The following DTNA variants were observed in gnomAD, a reference collection of about 807,000 sequenced individuals.
DTNA encodes the protein dystrobrevin alpha, also known as dystrophin-related protein 3.
In DTNA, 43 loss-of-function variants were observed where a neutral mutation model predicts 100.7. That is an observed-to-expected ratio of 0.43 (90% CI 0.33 to 0.55). The LOEUF is 0.55. Among genes scored for constraint, DTNA ranks in the 20% least tolerant of loss-of-function variants. The probability of loss-of-function intolerance (pLI) is 0.04; values close to 1 mark genes in which losing one functional copy is unlikely to be tolerated. For missense variants in DTNA, 798 were observed against 953.9 expected, an observed-to-expected ratio of 0.84 and a Z score of 2.15; for synonymous variants, 349 against 347.9, an observed-to-expected ratio of 1.00 and a Z score of -0.04.
At chr18:34,866,433 C>T in intron 17 of DTNA, 10 of 1,281,480 alleles carry the variant, frequency 7.8e-6, no homozygotes, top group Non-Finnish European at 1.0e-5. Context: ...TCAAACCAGT[C>T]TTAGCTTTTC....
At chr18:34,499,677 T>C (rs1044103173) in intron 1 of DTNA, among the ~76,000 whole-genome samples, 1 of 152,198 alleles carries the variant, frequency 6.6e-6, no homozygotes, top group African/African-American at 2.4e-5. Context: ...TTCTGATAGG[T>C]GTGTAGCAAT....
chr18:34,880,559 G>A (rs750283388), intron 20 of DTNA, among the ~76,000 whole-genome samples: 1 of 152,272 alleles, frequency 6.6e-6, no homozygotes, highest in African/African-American at 2.4e-5. Flanking sequence ...ACTTCAGAAG[G>A]GTGATGTTGC....
At chr18:34,643,930 C>T (rs201235324) in intron 1 of DTNA, among the ~76,000 whole-genome samples, 2 of 151,976 alleles carry the variant, frequency 1.3e-5, no homozygotes, top group African/African-American at 2.4e-5. Context: ...TAGATCTACC[C>T]GGCTAGAACA....
chr18:34,817,639 C>T (rs1234150464), intron 7 of DTNA, among the ~76,000 whole-genome samples: 1 of 152,126 alleles, frequency 6.6e-6, no homozygotes, highest in Non-Finnish European at 1.5e-5. Context: ...AGCCATTAGT[C>T]ACTCTATTTT....
chr18:34,811,827 T>C, intron 5 of DTNA, 132 bp from the exon 6 acceptor site: 2 of 1,049,814 alleles, frequency 1.9e-6, no homozygotes, highest in Non-Finnish European at 2.8e-6. Context: ...GCATAAAAAT[T>C]AGCTTTTATA....
intron 17 of DTNA, among the ~76,000 whole-genome samples, chr18:34,873,683 G>A (rs2096787482): frequency 6.6e-6 from 1 of 152,228 alleles, no homozygotes; most frequent in Non-Finnish European, 1.5e-5. Context: ...AGAAATCAGT[G>A]AGAGTGTATG....
intron 1 of DTNA, among the ~76,000 whole-genome samples, chr18:34,656,822 T>C (rs541704476): frequency 6.6e-6 from 1 of 152,320 alleles, no homozygotes; most frequent in East Asian, 1.9e-4. Context: ...TGAAATGATG[T>C]TAATAGTCCA....
chr18:34,515,771 C>T (rs986957613), intron 1 of DTNA, among the ~76,000 whole-genome samples: 9 of 152,202 alleles, frequency 5.9e-5, no homozygotes, highest in African/African-American at 2.2e-4. Flanking sequence ...AGGAAAGATT[C>T]TGCCATTTTC....
chr18:34,796,199 T>C (rs2094961822), intron 4 of DTNA, among the ~76,000 whole-genome samples: 1 of 152,236 alleles, frequency 6.6e-6, no homozygotes, highest in Non-Finnish European at 1.5e-5. Context: ...GTTTGCTCCT[T>C]CAGCGTAGCA....
chr18:34,746,327 A>G (rs1209763799), intron 1 of DTNA, among the ~76,000 whole-genome samples: 1 of 152,162 alleles, frequency 6.6e-6, no homozygotes, highest in Non-Finnish European at 1.5e-5. Flanking sequence ...GAATTGAGAC[A>G]GTCCCAAATG....
At chr18:34,600,514 A>C (rs969892984) in intron 1 of DTNA, among the ~76,000 whole-genome samples, 8 of 152,260 alleles carry the variant, frequency 5.3e-5, no homozygotes, top group Non-Finnish European at 1.0e-4. Context: ...TCAGGAATAC[A>C]GATGCCTTAA....
At chr18:34,586,613 C>T (rs747416919) in intron 1 of DTNA, among the ~76,000 whole-genome samples, 2 of 152,090 alleles carry the variant, frequency 1.3e-5, no homozygotes, top group Non-Finnish European at 2.9e-5. Context: ...ACAGAATTGT[C>T]GTATTTCTAA....
At chr18:34,645,642 G>A (rs2059745751) in intron 1 of DTNA, among the ~76,000 whole-genome samples, 1 of 152,100 alleles carries the variant, frequency 6.6e-6, no homozygotes, top group Non-Finnish European at 1.5e-5. Context: ...GGATGAAATG[G>A]AGAGGGGTTC....
At chr18:34,564,390 C>T (rs112322796) in intron 1 of DTNA, among the ~76,000 whole-genome samples, 2,003 of 152,298 alleles carry the variant, frequency 0.013, 45 homozygotes, top group African/African-American at 0.046. Flanking sequence ...GTGATCCGCC[C>T]GCCTCTGCCT....
At position 34,560,384 on chromosome 18, in the gene DTNA, G is replaced by A. The variant is rs180816996; in HGVS notation, c.-2+66870G>A. Among the ~76,000 whole-genome samples the A allele has an allele frequency of 2.6e-4, 40 of 152,262 alleles. No individual in the cohort carries two copies. The East Asian group carries it at 6.8e-3, about 26-fold the overall frequency. ...ATATATTATTTAACCAAATAAGTAA[G>A]TAATGAGAAAGTTACAAATTCTAAG... On this transcript the variant is annotated intron_variant, in intron 1 of 19. Coordinates refer to the DTNA transcript ENST00000283365.
intron 3 of DTNA, among the ~76,000 whole-genome samples, chr18:34,788,718 A>G (rs577307307): frequency 3.3e-5 from 5 of 152,312 alleles, no homozygotes; most frequent in African/African-American, 1.2e-4. Context: ...TATGACAACA[A>G]AACTAAGTGT....
In DTNA at chr18:34,794,191, A is replaced by G; in HGVS notation, c.303A>G (p.Gln101=). ...QLNKRMPTTH[Q]IHVEQSISLL... ...ACAAACGGATGCCAACCACTCACCA[A>G]ATCCATGTGGAGCAGTCCATCAGCC... is the stretch of plus-strand genomic sequence containing the variant. The change falls in exon 4 of 23, where the codon CAA becomes CAG. Residue 101 remains glutamine, a synonymous_variant. Transcript: ENST00000444659. 1 of 1,614,050 alleles carries G rather than the reference A, an allele frequency of 6.2e-7. No homozygotes were observed. The highest frequency in any genetic ancestry group is 1.3e-5 in the African/African-American group (1 of 74,986).
At chr18:34,737,129 A>G (rs2089760355) in intron 1 of DTNA, among the ~76,000 whole-genome samples, 1 of 152,186 alleles carries the variant, frequency 6.6e-6, no homozygotes, top group Non-Finnish European at 1.5e-5. Flanking sequence ...TCCAAAATTA[A>G]TAATTTGGGG....
chr18:34,598,455 C>T (rs2051091328), intron 1 of DTNA, among the ~76,000 whole-genome samples: 1 of 152,138 alleles, frequency 6.6e-6, no homozygotes, highest in Non-Finnish European at 1.5e-5. Context: ...ACCTCAATTT[C>T]AACCATTAGA....
Sources: gnomAD v4.1 joint callset for allele counts (sites outside exome capture counted in the v4.1 genomes callset) on GRCh38, gnomAD v4.1.1 for gene constraint, MANE v1.5 for transcripts, NCBI Gene and HGNC (gene_info 2026-07-23, HGNC 2026-07-21) for gene names.